SORBS2: variants seen among roughly 807,000 people sequenced by gnomAD.
SORBS2 encodes sorbin and SH3 domain-containing protein 2.
SORBS2 carries 46 observed loss-of-function variants against 97.7 expected under a neutral mutation model. The ratio of observed to expected loss-of-function variants is 0.47; its 90% confidence interval spans 0.37 to 0.60. The LOEUF (loss-of-function observed/expected upper bound fraction) is 0.60, where lower values mean the gene tolerates loss of function less well. SORBS2 is among the 20% of genes least tolerant of loss of function. SORBS2 has a pLI of 0.00. For missense variants in SORBS2, 1,316 were observed against 1,282.3 expected, an observed-to-expected ratio of 1.03 and a Z score of -0.40; for synonymous variants, 476 against 473.4, an observed-to-expected ratio of 1.01 and a Z score of -0.07.
intron 1 of SORBS2, among the ~76,000 whole-genome samples, chr4:185,816,860 A>C (rs1042961677): frequency 6.6e-6 from 1 of 152,228 alleles, no homozygotes; most frequent in Admixed American, 6.5e-5. Flanking sequence ...GCAATAAAAA[A>C]CCGTTCAACA....
At chr4:185,944,783 T>A (rs1281763775) in intron 1 of SORBS2, among the ~76,000 whole-genome samples, 1 of 152,188 alleles carries the variant, frequency 6.6e-6, no homozygotes, top group Non-Finnish European at 1.5e-5. Context: ...TGTAGGACAC[T>A]CCATATTACG....
chr4:185,873,674 G>A (rs2099231686), intron 1 of SORBS2, among the ~76,000 whole-genome samples: 1 of 151,948 alleles, frequency 6.6e-6, no homozygotes, highest in Non-Finnish European at 1.5e-5. Context: ...GAAAGACTGG[G>A]GTTTGATGCA....
chr4:185,827,777 CCAT>C lies in SORBS2; in HGVS notation c.-337-52414_-337-52412del, dbSNP rs1585261483. Among the ~76,000 whole-genome samples, 16 of 81,074 alleles carry C rather than the reference CCAT, an allele frequency of 2.0e-4. No homozygotes were observed. The South Asian group carries it at 4.3e-3, about 22-fold the overall frequency. The allele number at this position is 81,074 out of a possible 152,430, so 53.2% of individuals were successfully genotyped here. On this transcript the variant is annotated intron_variant, in intron 1 of 20. Transcript: ENST00000284776. Reference sequence around the variant, plus strand: ...ATCATCACCATCATCATCACCATCACCATCATCATCGTCACCATCATCGTCATC... The same window carrying C: ...ATCATCACCATCATCATCACCATCACCATCATCGTCACCATCATCGTCATC...
At chr4:185,879,740 C>T (rs964894548) in intron 1 of SORBS2, among the ~76,000 whole-genome samples, 1 of 151,754 alleles carries the variant, frequency 6.6e-6, no homozygotes, top group Non-Finnish European at 1.5e-5. Context: ...TATCTCATTG[C>T]GGTTTTGATT....
At chr4:185,879,146 T>C (rs541521887) in intron 1 of SORBS2, among the ~76,000 whole-genome samples, 2 of 138,586 alleles carry the variant, frequency 1.4e-5, no homozygotes, top group East Asian at 3.9e-4. Flanking sequence ...ACATTAGGTA[T>C]ATCTCCTAAT....
At chr4:185,879,115 G>T (rs910851118) in intron 1 of SORBS2, among the ~76,000 whole-genome samples, 8 of 144,380 alleles carry the variant, frequency 5.5e-5, no homozygotes, top group Non-Finnish European at 1.2e-4. Context: ...TTGGTGTGCT[G>T]CACCCATTAA....
chr4:185,754,300 G>C (rs1426453903), intron 2 of SORBS2, among the ~76,000 whole-genome samples: 1 of 152,100 alleles, frequency 6.6e-6, no homozygotes, highest in Non-Finnish European at 1.5e-5. Flanking sequence ...CCTACTTGAG[G>C]GTGGAAGGTG....
At chr4:185,902,009 C>A (rs1159416311) in intron 1 of SORBS2, among the ~76,000 whole-genome samples, 1 of 152,032 alleles carries the variant, frequency 6.6e-6, no homozygotes, top group African/African-American at 2.4e-5. Context: ...GTATAGAAAT[C>A]ATAAGAAAGA....
intron 4 of SORBS2, among the ~76,000 whole-genome samples, chr4:185,662,883 C>A (rs1252462885): frequency 6.6e-6 from 1 of 152,222 alleles, no homozygotes; most frequent in Non-Finnish European, 1.5e-5. Context: ...TGTTTGATTT[C>A]TTAATTATTC....
At chr4:185,694,711 C>CTTT (rs1561960485) in intron 2 of SORBS2, among the ~76,000 whole-genome samples, 2 of 133,472 alleles carry the variant, frequency 1.5e-5, no homozygotes, top group African/African-American at 5.5e-5. Context: ...TCTTTCTTTT[C>CTTT]TTTTCTTTTT....
intron 1 of SORBS2, among the ~76,000 whole-genome samples, chr4:185,883,676 A>T (rs767244536): frequency 2.6e-5 from 4 of 152,044 alleles, no homozygotes; most frequent in East Asian, 1.9e-4. Context: ...GTATTCATCA[A>T]CAACAACAAA....
chr4:185,830,136 C>T (rs1371645886), intron 1 of SORBS2, among the ~76,000 whole-genome samples: 2 of 152,192 alleles, frequency 1.3e-5, no homozygotes, highest in African/African-American at 2.4e-5. Context: ...CCAAGTCAAA[C>T]GGTGACTTCT....
intron 4 of SORBS2, chr4:185,677,730 T>G: frequency 9.3e-7 from 1 of 1,073,630 alleles, no homozygotes; most frequent in Non-Finnish European, 1.3e-6. Flanking sequence ...AGTGTCAACC[T>G]TGCCTTTACA....
chr4:185,638,700 G>T (rs2097070674), intron 4 of SORBS2, among the ~76,000 whole-genome samples, 177 bp downstream of exon 14: 1 of 151,794 alleles, frequency 6.6e-6, no homozygotes, highest in African/African-American at 2.4e-5. Flanking sequence ...AGGCGAGCTG[G>T]GGGGAGGGGG....
At chr4:185,933,882 T>C (rs1395850407) in intron 1 of SORBS2, among the ~76,000 whole-genome samples, 1 of 152,166 alleles carries the variant, frequency 6.6e-6, no homozygotes, top group Non-Finnish European at 1.5e-5. Context: ...TGAAGACCCT[T>C]CTTGAAAAGA....
chr4:185,622,698 A>G (rs1217260004), intron 7 of SORBS2, among the ~76,000 whole-genome samples: 2 of 152,222 alleles, frequency 1.3e-5, no homozygotes, highest in Non-Finnish European at 2.9e-5. Context: ...TTGTGAATTG[A>G]TGATCACTTT....
intron 4 of SORBS2, among the ~76,000 whole-genome samples, chr4:185,676,065 ACT>A (rs368985699): frequency 2.2e-4 from 33 of 152,286 alleles, no homozygotes; most frequent in African/African-American, 7.7e-4. Flanking sequence ...CTTAGGCACC[ACT>A]GTTTTCAATA....
intron 1 of SORBS2, among the ~76,000 whole-genome samples, chr4:185,842,656 G>A (rs1425370588): frequency 1.3e-5 from 2 of 152,154 alleles, no homozygotes; most frequent in Non-Finnish European, 2.9e-5. Context: ...ATTAAATTTG[G>A]CCGGGTGCAG....
In SORBS2 at chr4:185,947,911, C is replaced by G. The variant is rs1394371696; in HGVS notation, c.-338+8285G>C. 1.3e-5 allele frequency among the ~76,000 whole-genome samples: 2 copies of G among 148,808 alleles called. 1 individual carries two copies. The highest frequency in any genetic ancestry group is 3.9e-4 in the East Asian group (2 of 5,158). ...CAGGCGTGAGCCACTACGCCCCGCC[C>G]TCTTGAGATTTTTTAAAGGAAGTTC... On this transcript the variant is annotated intron_variant, in intron 1 of 20. Transcript: ENST00000284776.
Sources: gnomAD v4.1 joint callset for allele counts (sites outside exome capture counted in the v4.1 genomes callset) on GRCh38, gnomAD v4.1.1 for gene constraint, MANE v1.5 for transcripts, NCBI Gene and HGNC (gene_info 2026-07-23, HGNC 2026-07-21) for gene names.